The following LHPP variants were observed in gnomAD, a reference collection of about 807,000 sequenced individuals.
The protein encoded by LHPP is hLHPP.
Under a neutral mutation model 30.3 loss-of-function variants are expected in LHPP, and 24 were observed. The observed-to-expected ratio is 0.79, with a 90% CI of 0.57 to 1.11. LHPP has a LOEUF of 1.11. Among genes scored for constraint, LHPP ranks in the 50% most tolerant of loss-of-function variants. The pLI is 0.00. For missense variants in LHPP, 356 were observed against 367.2 expected (o/e 0.97, Z 0.25); for synonymous variants, 150 against 157.1 (o/e 0.95, Z 0.34).
chr10:124,607,903 C>T (rs764634161), intron 6 of LHPP, among the ~76,000 whole-genome samples: 2 of 152,192 alleles, frequency 1.3e-5, no homozygotes, highest in Non-Finnish European at 2.9e-5. Flanking sequence ...CACGTGGCGG[C>T]TGCGAGCAGT....
chr10:124,521,121 G>A (rs1373881601), intron 6 of LHPP, among the ~76,000 whole-genome samples: 1 of 152,182 alleles, frequency 6.6e-6, no homozygotes, highest in African/African-American at 2.4e-5. Flanking sequence ...CTGGAGGGGC[G>A]TGGGGTCCTG....
At chr10:124,601,188 T>TG (rs979965579) in intron 6 of LHPP, among the ~76,000 whole-genome samples, 3 of 152,014 alleles carry the variant, frequency 2.0e-5, no homozygotes, top group Admixed American at 2.0e-4. Context: ...GTGCCTGGCG[T>TG]GGGAACAGGG....
Position 124,543,921 on chromosome 10 carries a change from C to A in LHPP, c.716+26650C>A, listed in dbSNP as rs545825862. Among the ~76,000 whole-genome samples, 311 of 152,222 alleles carry A rather than the reference C, an allele frequency of 2.0e-3. 1 individual carries two copies. Among genetic ancestry groups the A allele is most frequent in the Non-Finnish European group, 3.7e-3 (250 of 67,986 alleles). Reference sequence around the variant, plus strand: ...GCCTGTTTTTTAAAAAACAAACAAACAAAAAATGCATACTAAAAGCAACGA... The same window carrying A: ...GCCTGTTTTTTAAAAAACAAACAAAAAAAAAATGCATACTAAAAGCAACGA... On this transcript the variant is annotated intron_variant, in intron 6 of 6. Transcript: ENST00000368842.
intron 6 of LHPP, among the ~76,000 whole-genome samples, chr10:124,591,637 G>A (rs1174988469): frequency 2.0e-5 from 3 of 151,920 alleles, no homozygotes; most frequent in Non-Finnish European, 2.9e-5. Flanking sequence ...GGTTTATTTT[G>A]TGCTCCTTTT....
chr10:124,479,022 T>A (rs1047245115), intron 1 of LHPP, among the ~76,000 whole-genome samples: 1 of 150,602 alleles, frequency 6.6e-6, no homozygotes, highest in African/African-American at 2.4e-5. Context: ...TGAGCTGAGA[T>A]TGTGCCATTG....
At chr10:124,584,845 T>C (rs60812935) in intron 6 of LHPP, among the ~76,000 whole-genome samples, 27,522 of 152,154 alleles carry the variant, frequency 0.18, 2,647 homozygotes, top group Non-Finnish European at 0.2. Context: ...CTCCAAAACC[T>C]GAAACTTTCT....
At chr10:124,536,815 C>T (rs567651050) in intron 6 of LHPP, among the ~76,000 whole-genome samples, 2 of 152,234 alleles carry the variant, frequency 1.3e-5, no homozygotes, top group East Asian at 3.9e-4. Flanking sequence ...CCAGACAGAT[C>T]GGGGAGGATT....
chr10:124,498,360 G>A (rs757760457), intron 5 of LHPP: 1 of 1,564,430 alleles, frequency 6.4e-7, no homozygotes, highest in Non-Finnish European at 8.7e-7. Flanking sequence ...AAGCAGAAAT[G>A]CCTGCGGCTT....
chr10:124,554,017 G>T, intron 6 of LHPP: 1 of 985,422 alleles, frequency 1.0e-6, no homozygotes. Flanking sequence ...AGTCTTCTTC[G>T]AGAGACTCCA....
intron 6 of LHPP, among the ~76,000 whole-genome samples, chr10:124,610,758 AGGGTGCGGGTGAGGGTGCTGATGGAGC>A (rs1949175044): frequency 3.8e-5 from 2 of 53,102 alleles, no homozygotes; most frequent in Non-Finnish European, 3.6e-5. Context: ...GGAGCGGGTG[AGGGTGCGGGTGAGGGTGCTGATGGAGC>A]GGGTGAGGGT....
chr10:124,585,974 G>A (rs952050212), intron 6 of LHPP, among the ~76,000 whole-genome samples: 2 of 152,240 alleles, frequency 1.3e-5, no homozygotes, highest in South Asian at 2.1e-4. Context: ...TAGTAGAGGC[G>A]GGGTTTTCCA....
At chr10:124,470,681 C>CAACAACAAT (rs1554877242) in intron 1 of LHPP, among the ~76,000 whole-genome samples, 250 of 150,874 alleles carry the variant, frequency 1.7e-3, no homozygotes, top group African/African-American at 5.8e-3. Context: ...ACAACAACAA[C>CAACAACAAT]AATAATAATA....
intron 6 of LHPP, among the ~76,000 whole-genome samples, chr10:124,547,287 T>A (rs555862918): frequency 6.6e-6 from 1 of 152,200 alleles, no homozygotes. Context: ...TTCCCTTTTT[T>A]CCCCTTTTCA....
chr10:124,479,245 G>C (rs371776931), intron 1 of LHPP, among the ~76,000 whole-genome samples: 89 of 152,282 alleles, frequency 5.8e-4, no homozygotes, highest in African/African-American at 2.0e-3. Context: ...GGGTGGTGGG[G>C]TGGGAACAGC....
At chr10:124,489,659 G>A (rs529440285) in intron 3 of LHPP, among the ~76,000 whole-genome samples, 78 of 152,140 alleles carry the variant, frequency 5.1e-4, no homozygotes, top group South Asian at 2.3e-3. Flanking sequence ...TCACCATGTT[G>A]GCCAGGATGG....
intron 5 of LHPP, chr10:124,498,826 C>T (rs974437449): frequency 3.3e-5 from 12 of 361,204 alleles, no homozygotes; most frequent in East Asian, 2.6e-4. Flanking sequence ...GCCCCCCCCC[C>T]GCCAACCCCA....
At chr10:124,530,436 C>T (rs1156376731) in intron 6 of LHPP, among the ~76,000 whole-genome samples, 1 of 152,090 alleles carries the variant, frequency 6.6e-6, no homozygotes, top group Admixed American at 6.5e-5. Context: ...CACGATCCCG[C>T]ATCCACATGT....
At chr10:124,526,567 G>T (rs1345549592) in intron 6 of LHPP, among the ~76,000 whole-genome samples, 1 of 152,202 alleles carries the variant, frequency 6.6e-6, no homozygotes, top group Admixed American at 6.5e-5. Flanking sequence ...CAAAACAATA[G>T]TAGCCAGTGT....
rs1330890590 is a variant in LHPP at position 124,592,805 on chromosome 10, A to G, written c.717-20459A>G. On this transcript the variant is annotated intron_variant, in intron 6 of 6. Coordinates refer to ENST00000368842, the MANE Select transcript of LHPP (RefSeq NM_022126.4). The surrounding 1 kb of genome is among the most constrained non-coding windows in gnomAD (Gnocchi z 6.2). The stretch of plus-strand genomic sequence containing the variant: ...CTCCCTGGCCTGGAGATGAAAACTG[A>G]AGAAAACAAGATTCCGTCTAGGAAT... 6.6e-6 allele frequency among the ~76,000 whole-genome samples: 1 copy of G among 152,220 alleles called. No homozygotes were observed. The highest frequency in any genetic ancestry group is 1.5e-5 in the Non-Finnish European group (1 of 68,042).
Sources: gnomAD v4.1 joint callset for allele counts (sites outside exome capture counted in the v4.1 genomes callset) on GRCh38, gnomAD v4.1.1 for gene constraint, Gnocchi (gnomAD v3.1) non-coding constraint, MANE v1.5 for transcripts, NCBI Gene and HGNC (gene_info 2026-07-23, HGNC 2026-07-21) for gene names.